The following TBATA variants were observed in gnomAD, a reference collection of about 807,000 sequenced individuals.
TBATA encodes the protein thymus, brain and testes associated, also known as protein TBATA.
In TBATA, 47 loss-of-function variants were observed where a neutral mutation model predicts 38.7. The ratio of observed to expected loss-of-function variants is 1.21; its 90% CI spans 0.96 to 1.55. TBATA has a LOEUF of 1.55. TBATA is among the 40% of genes most tolerant of loss of function. The probability of loss-of-function intolerance (pLI) is 0.00; values close to 1 mark genes in which losing one functional copy is unlikely to be tolerated. For synonymous variants in TBATA, 183 were observed against 170.5 expected (o/e 1.07, Z -0.57); for missense variants, 436 against 435.6 (o/e 1.00, Z -0.01).
rs780480790 is a variant in TBATA, at chr10:70,771,324, C to T, written c.*52G>A. The T allele has an allele frequency of 1.9e-6, 3 of 1,613,996 alleles. No individual in the cohort carries two copies. Among genetic ancestry groups the T allele is most frequent in the Non-Finnish European group, 2.5e-6 (3 of 1,179,876 alleles). ...GAAGGTGGTGGAGACAGAAACACCCCTGAACCCTTGGGGCTGCTCTTGAGC... is the reference window on the plus strand; with the variant it reads ...GAAGGTGGTGGAGACAGAAACACCCTTGAACCCTTGGGGCTGCTCTTGAGC... On this transcript the variant is annotated 3_prime_UTR_variant, in exon 11 of 11. Coordinates refer to ENST00000456372, the MANE Select transcript of TBATA (RefSeq NM_001318241.2).
At position 70,783,418 on chromosome 10, in the gene TBATA, T is replaced by C; in HGVS notation, c.-39A>G. The stretch of plus-strand genomic sequence containing the variant: ...ACAGACTAAAGGCCAGTGCACTTAA[T>C]ACTAGCGTTGAGGATGCAGAACAGG... On this transcript the variant is annotated 5_prime_UTR_variant, in exon 3 of 11. Coordinates refer to ENST00000456372, the MANE Select transcript of TBATA (RefSeq NM_001318241.2). 1 of 1,612,166 alleles carries C rather than the reference T, an allele frequency of 6.2e-7. No homozygotes were observed. The highest frequency in any genetic ancestry group is 8.5e-7 in the Non-Finnish European group (1 of 1,178,242).
At chr10:70,782,615 A>G (rs1844391461) in intron 3 of TBATA, 1 of 985,324 alleles carries the variant, frequency 1.0e-6, no homozygotes, top group African/African-American at 1.7e-5. Context: ...GAGCTGACGC[A>G]GCAGCTACTG....
chr10:70,773,695 G>T, intron 9 of TBATA, among the ~76,000 whole-genome samples: 1 of 152,196 alleles, frequency 6.6e-6, no homozygotes, highest in East Asian at 1.9e-4. Context: ...TCAGTGGGTT[G>T]TTGGATGGAC....
intron 1 of TBATA, among the ~76,000 whole-genome samples, chr10:70,785,008 G>C (rs1046519354): frequency 1.7e-4 from 24 of 140,100 alleles, no homozygotes; most frequent in African/African-American, 6.0e-4. Context: ...CATTTAAATT[G>C]ATCTAATAAG....
chr10:70,774,570 G>A (rs1454440160), intron 8 of TBATA, among the ~76,000 whole-genome samples: 2 of 152,256 alleles, frequency 1.3e-5, no homozygotes, highest in East Asian at 1.9e-4. Flanking sequence ...ACATGAGGAT[G>A]TGTACGCCTT....
At position 70,778,611 on chromosome 10, in the gene TBATA, C is replaced by T; in HGVS notation, c.453G>A (p.Glu151=). 1 of 1,614,212 alleles carries T rather than the reference C, an allele frequency of 6.2e-7. No individual in the cohort carries two copies. Among genetic ancestry groups the T allele is most frequent in the Non-Finnish European group, 8.5e-7 (1 of 1,180,036 alleles). Residue 151 remains glutamate, a synonymous_variant, in exon 6 of 11, where the codon GAG becomes GAA. Coordinates refer to ENST00000456372, the MANE Select transcript of TBATA (RefSeq NM_001318241.2). ...SSEAWKKELK[E]LASRVAFLTK... The stretch of plus-strand genomic sequence containing the variant: ...TGAGGAAGGCCACCCGGGAAGCTAG[C>T]TCCTTCAACTCCTTCTTCCAGGCTT...
chr10:70,785,096 A>G (rs1844712664), intron 1 of TBATA, among the ~76,000 whole-genome samples, 189 bp downstream of exon 1: 1 of 152,184 alleles, frequency 6.6e-6, no homozygotes, highest in Non-Finnish European at 1.5e-5. Flanking sequence ...CCTTGTCCAG[A>G]GCGGGACAGG....
In TBATA at chr10:70,771,425, G is replaced by C. The variant is rs546625546; in HGVS notation, c.1010C>G (p.Ser337Ter). Residue 337 changes from serine to a stop codon, truncating the protein, a stop_gained, in exon 11 of 11, where the codon TCA becomes TGA. Transcript: ENST00000456372. LOFTEE classifies it low-confidence loss of function (END_TRUNC). ...IGEAQVLQMH[S>*]SQNTEKKTSK... ...TGTCTTCTTCTCTGTGTTCTGGCTT[G>C]AATGCATCTGGAGGACTTGAGCTTC... is the stretch of plus-strand genomic sequence containing the variant. The C allele has an allele frequency of 1.2e-6, 2 of 1,614,158 alleles. No homozygotes were observed. The highest frequency in any genetic ancestry group is 4.5e-5 in the East Asian group (2 of 44,874).
intron 4 of TBATA, 21 bp downstream of exon 4, chr10:70,781,780 C>A: frequency 6.2e-7 from 1 of 1,607,482 alleles, no homozygotes; most frequent in Non-Finnish European, 8.5e-7. Flanking sequence ...TCTGCTCCCA[C>A]CCCAACCAGC....
At chr10:70,784,872 G>T (rs1315586183) in intron 1 of TBATA, 99 bp from the exon 2 acceptor site, 3 of 152,190 alleles carry the variant, frequency 2.0e-5, no homozygotes, top group African/African-American at 7.2e-5. Context: ...TCACATATGG[G>T]TTTGTGTGTG....
chr10:70,774,832 A>G (rs1015324271), intron 8 of TBATA, among the ~76,000 whole-genome samples: 4 of 152,094 alleles, frequency 2.6e-5, no homozygotes, highest in Admixed American at 2.6e-4. Context: ...ATGTGCATCT[A>G]CTTGCACCTG....
chr10:70,771,594 T>A (rs139323035), intron 10 of TBATA, 133 bp from the exon 11 acceptor site: 1 of 809,208 alleles, frequency 1.2e-6, no homozygotes, highest in African/African-American at 1.7e-5. Context: ...GCTCTGCTGG[T>A]GACCGAGGAG....
intron 2 of TBATA, among the ~76,000 whole-genome samples, chr10:70,783,831 ACTT>A (rs1564601558): frequency 6.6e-6 from 1 of 152,214 alleles, no homozygotes; most frequent in African/African-American, 2.4e-5. Context: ...GTATGAGAAA[ACTT>A]AACAATTCTT....
chr10:70,778,805 CCATGGGTGGTGGTTGTGG>C (rs764038110), intron 5 of TBATA, 169 bp from the exon 6 acceptor site: 1 of 706,026 alleles, frequency 1.4e-6, no homozygotes. Context: ...TGGATTCACA[CCATGGGTGGTGGTTGTGG>C]CAGTGGGTGG....
chr10:70,783,205 G>A lies in TBATA; in HGVS notation c.41+134C>T, dbSNP rs114080606. The A allele has an allele frequency of 6.3e-3, 6,444 of 1,018,958 alleles. 265 individuals are homozygous for A. In the African/African-American group the frequency reaches 0.092, roughly 14 times the overall value. The allele number at this position is 1,018,958 out of a possible 1,614,324, so 63.1% of individuals were successfully genotyped here. On this transcript the variant is annotated intron_variant, in intron 3 of 10. Coordinates refer to ENST00000456372, the MANE Select transcript of TBATA (RefSeq NM_001318241.2). Reference sequence around the variant, plus strand: ...GACCCATTGGGGGGTCTGGCTGACCGGCAGCAGAAGTCCAGTAAGAACCAC... The same window carrying A: ...GACCCATTGGGGGGTCTGGCTGACCAGCAGCAGAAGTCCAGTAAGAACCAC...
At chr10:70,781,568 T>C (rs1844213911) in intron 4 of TBATA, among the ~76,000 whole-genome samples, 1 of 152,184 alleles carries the variant, frequency 6.6e-6, no homozygotes. Context: ...ATTTGTAAAA[T>C]GGGAGAACCC....
At chr10:70,782,300 A>G (rs771324983) in intron 3 of TBATA, 153 of 1,485,274 alleles carry the variant, frequency 1.0e-4, no homozygotes, top group Non-Finnish European at 1.3e-4. Flanking sequence ...CCAGCACCCC[A>G]GTTTTTTCCC....
intron 10 of TBATA, chr10:70,772,082 C>A (rs1052117251): frequency 2.7e-6 from 1 of 376,660 alleles, no homozygotes; most frequent in South Asian, 2.1e-5. Context: ...GAGGTGGGAG[C>A]TTTGCTGGTT....
chr10:70,777,126 A>C (rs1438662699), intron 7 of TBATA, 27 bp downstream of exon 7: 1 of 1,605,644 alleles, frequency 6.2e-7, no homozygotes, highest in African/African-American at 1.3e-5. Flanking sequence ...GAGAGCCAGG[A>C]GCCTGGGAGC....
Sources: gnomAD v4.1 joint callset for allele counts (sites outside exome capture counted in the v4.1 genomes callset) on GRCh38, gnomAD v4.1.1 for gene constraint, MANE v1.5 for transcripts, NCBI Gene and HGNC (gene_info 2026-07-23, HGNC 2026-07-21) for gene names.